AMPH: variants seen among roughly 807,000 people sequenced by gnomAD.
AMPH encodes the protein amphiphysin (Stiff-Mann syndrome with breast cancer 128kD autoantigen).
Under a neutral mutation model 99.1 loss-of-function variants are expected in AMPH, and 49 were observed. The observed-to-expected ratio is 0.49, with a 90% CI of 0.39 to 0.63. AMPH has a LOEUF of 0.63. AMPH is among the 20% of genes least tolerant of loss of function. AMPH has a pLI of 0.00. For synonymous variants in AMPH, 314 were observed against 317.3 expected, an observed-to-expected ratio of 0.99 and a Z score of 0.11; for missense variants, 759 against 863.4, an observed-to-expected ratio of 0.88 and a Z score of 1.52.
At chr7:38,620,558 C>A (rs1242311943) in intron 1 of AMPH, among the ~76,000 whole-genome samples, 2 of 101,110 alleles carry the variant, frequency 2.0e-5, no homozygotes, top group African/African-American at 7.0e-5. Flanking sequence ...TACACACACA[C>A]ACACACACAC....
chr7:38,533,228 G>A lies in AMPH; in HGVS notation c.150+1703C>T, dbSNP rs193020387. Reference sequence around the variant, plus strand: ...GACTAGGAGACTACTTATTCTGTGGGCCCAAGTCCAACATTTCTCTAGGAA... The same window carrying A: ...GACTAGGAGACTACTTATTCTGTGGACCCAAGTCCAACATTTCTCTAGGAA... On this transcript the variant is annotated intron_variant, in intron 2 of 20. Transcript: ENST00000356264. Among the ~76,000 whole-genome samples the A allele has an allele frequency of 2.0e-5, 3 of 152,206 alleles. No individual in the cohort carries two copies. In the East Asian group the frequency reaches 5.8e-4, roughly 29 times the overall value.
intron 2 of AMPH, among the ~76,000 whole-genome samples, chr7:38,527,235 G>A (rs1790222154): frequency 6.6e-6 from 1 of 152,170 alleles, no homozygotes; most frequent in African/African-American, 2.4e-5. Flanking sequence ...AATTATGATA[G>A]GGTCTGTGCA....
chr7:38,569,531 G>GA (rs1021848906), intron 1 of AMPH, among the ~76,000 whole-genome samples: 9 of 147,712 alleles, frequency 6.1e-5, no homozygotes, highest in Admixed American at 2.0e-4. Flanking sequence ...AACCGAAACA[G>GA]AAAAAAAAAG....
chr7:38,525,258 G>A lies in AMPH; in HGVS notation c.150+9673C>T, dbSNP rs200729332. 9.6e-3 allele frequency among the ~76,000 whole-genome samples: 1,067 copies of A among 111,150 alleles called. 10 individuals carry two copies. Among genetic ancestry groups the A allele is most frequent in the East Asian group, 0.015 (49 of 3,306 alleles). 72.9% of individuals were successfully genotyped at this position (111,150 alleles called of 152,430 possible). A position where few individuals can be genotyped will look rare whatever the true frequency, so the allele number is the denominator to read the frequency against. ...TATATATGTAGTTGTGTGTGTGTGT[G>A]TATATATATATATATATATAGAGAG... On this transcript the variant is annotated intron_variant, in intron 2 of 20. Coordinates refer to ENST00000356264, the MANE Select transcript of AMPH (RefSeq NM_001635.4).
intron 16 of AMPH, among the ~76,000 whole-genome samples, chr7:38,418,966 T>C (rs1020353723): frequency 3.3e-5 from 5 of 152,078 alleles, no homozygotes; most frequent in Non-Finnish European, 7.4e-5. Flanking sequence ...AAATATTCCT[T>C]CTTTTTCCAT....
chr7:38,493,805 A>G (rs1404116804), intron 4 of AMPH, among the ~76,000 whole-genome samples: 1 of 152,204 alleles, frequency 6.6e-6, no homozygotes, highest in Non-Finnish European at 1.5e-5. Flanking sequence ...GAACGGGTGA[A>G]GTTGGGACAA....
At chr7:38,392,209 C>A (rs1364654909) in intron 18 of AMPH, among the ~76,000 whole-genome samples, 192 bp from the exon 19 acceptor site, 1 of 151,906 alleles carries the variant, frequency 6.6e-6, no homozygotes, top group African/African-American at 2.4e-5. Context: ...GGCCTAAACC[C>A]TTAGTGGAAT....
Position 38,393,968 on chromosome 7 carries a change from C to T in AMPH, c.1608+37G>A, listed in dbSNP as rs766393271. The T allele has an allele frequency of 6.8e-6, 11 of 1,607,084 alleles. No individual in the cohort carries two copies. In the East Asian group the frequency reaches 2.2e-4, roughly 33 times the overall value. On this transcript the variant is annotated intron_variant, in intron 18 of 20. Transcript: ENST00000356264. ...ACAGAGCACCCAGCCCATGCTACTT[C>T]CCAGGAGCTCCCCTGGCTGCGACAT...
intron 1 of AMPH, among the ~76,000 whole-genome samples, chr7:38,620,300 G>A (rs116625441): frequency 0.013 from 1,994 of 150,468 alleles, 54 homozygotes; most frequent in African/African-American, 0.047. Flanking sequence ...CCCCACCCCC[G>A]TGTACATTAT....
chr7:38,592,377 C>G (rs1204049404), intron 1 of AMPH, among the ~76,000 whole-genome samples: 1 of 152,162 alleles, frequency 6.6e-6, no homozygotes, highest in Non-Finnish European at 1.5e-5. Flanking sequence ...TACCATGGCC[C>G]CTTCTGAGCC....
intron 2 of AMPH, among the ~76,000 whole-genome samples, chr7:38,511,569 G>A (rs1024022106): frequency 2.0e-5 from 3 of 152,056 alleles, no homozygotes; most frequent in Admixed American, 2.0e-4. Context: ...AAACAAGAAA[G>A]CATGAATACT....
intron 1 of AMPH, among the ~76,000 whole-genome samples, chr7:38,613,531 A>G (rs10256913): frequency 0.095 from 14,423 of 152,270 alleles, 941 homozygotes; most frequent in South Asian, 0.18. Context: ...CTAAGCAATC[A>G]AGCACCTGCT....
intron 6 of AMPH, among the ~76,000 whole-genome samples, chr7:38,475,882 G>A (rs951937316): frequency 6.6e-6 from 1 of 152,190 alleles, no homozygotes; most frequent in Non-Finnish European, 1.5e-5. Flanking sequence ...ATCAGAAAAT[G>A]TTTGCTAAAG....
At chr7:38,465,219 A>C (rs916281927) in intron 9 of AMPH, among the ~76,000 whole-genome samples, 1 of 152,206 alleles carries the variant, frequency 6.6e-6, no homozygotes, top group African/African-American at 2.4e-5. Flanking sequence ...ATCAGGCCTC[A>C]TGGAAAGCAG....
rs70977404 is a variant in AMPH at position 38,437,625 on chromosome 7, C to CAA, written c.1018-1239_1018-1238dup. Among the ~76,000 whole-genome samples the CAA allele has an allele frequency of 3.5e-3, 328 of 94,802 alleles. 1 individual carries two copies. The highest frequency in any genetic ancestry group is 0.013 in the African/African-American group (297 of 23,246). The allele number at this position is 94,802 out of a possible 152,430, so 62.2% of individuals were successfully genotyped here. On this transcript the variant is annotated intron_variant, in intron 11 of 20. Transcript: ENST00000356264. Reference sequence around the variant, plus strand: ...TGAAACCCTGTCTCTACTAAAAATACAAAAAAAAAAAAAAAAAAGAAAAGA... The same window carrying CAA: ...TGAAACCCTGTCTCTACTAAAAATACAAAAAAAAAAAAAAAAAAAAGAAAAGA...
intron 1 of AMPH, among the ~76,000 whole-genome samples, chr7:38,624,385 G>T (rs562564285): frequency 2.8e-4 from 42 of 149,534 alleles, no homozygotes; most frequent in Admixed American, 9.3e-4. Flanking sequence ...ATTATTATTA[G>T]TATTAGTATT....
chr7:38,475,533 A>G, intron 6 of AMPH, 117 bp from the exon 7 acceptor site: 1 of 672,576 alleles, frequency 1.5e-6, no homozygotes, highest in East Asian at 2.9e-5. Context: ...TTTGAGAAGG[A>G]GAGTATTTGG....
In AMPH at chr7:38,417,945, T is replaced by G. The variant is rs1281188461; in HGVS notation, c.1278A>C (p.Glu426Asp). Residue 426 changes from glutamate to aspartate, a missense_variant, in exon 17 of 21, where the codon GAA (glutamate) becomes GAC (aspartate). This residue lies in a region of AMPH where 554 missense variants were observed against 575.6 expected (regional missense o/e 0.96). Transcript: ENST00000356264. ...TDQSMICNLA[E>D]SEQAPPTEPK... is the part of the protein sequence containing the mutation. ...GCTCTGTGGGTGGAGCCTGTTCAGA[T>G]TCAGCCTTGGAGTGTTTGTTTTGAG... 3.1e-6 allele frequency: 5 copies of G among 1,613,874 alleles called. No homozygotes were observed. The highest frequency in any genetic ancestry group is 1.7e-5 in the Admixed American group (1 of 59,994).
At chr7:38,386,543 A>C (rs937076609) in intron 20 of AMPH, among the ~76,000 whole-genome samples, 2 of 152,216 alleles carry the variant, frequency 1.3e-5, no homozygotes, top group Admixed American at 1.3e-4. Context: ...TTAACTGCTT[A>C]AAATATGTGG....
Sources: gnomAD v4.1 joint callset for allele counts (sites outside exome capture counted in the v4.1 genomes callset) on GRCh38, gnomAD v4.1.1 for gene constraint, gnomAD v4.1.1 regional missense constraint, MANE v1.5 for transcripts, NCBI Gene and HGNC (gene_info 2026-07-23, HGNC 2026-07-21) for gene names.